SAC3D1: variants seen among roughly 807,000 people sequenced by gnomAD.
The protein encoded by SAC3D1 is SAC3 domain-containing protein 1.
A neutral mutation model predicts 12.7 loss-of-function variants in SAC3D1; 10 were observed. The ratio of observed to expected loss-of-function variants is 0.79; its 90% confidence interval spans 0.49 to 1.34. The LOEUF (loss-of-function observed/expected upper bound fraction) is 1.34, where lower values mean the gene tolerates loss of function less well. SAC3D1 is among the 40% of genes most tolerant of loss of function. SAC3D1 has a pLI of 0.00. For synonymous variants in SAC3D1, 241 were observed against 250.8 expected, an observed-to-expected ratio of 0.96 and a Z score of 0.37; for missense variants, 482 against 531.1, an observed-to-expected ratio of 0.91 and a Z score of 0.91.
rs1946664465 is a variant in SAC3D1 at position 65,044,127 on chromosome 11, C to T, written c.575-98C>T. 38 of 1,401,866 alleles carry T rather than the reference C, an allele frequency of 2.7e-5. No individual in the cohort carries two copies. The highest frequency in any genetic ancestry group is 2.2e-4 in the South Asian group (17 of 77,306). 86.8% of individuals were successfully genotyped at this position (1,401,866 alleles called of 1,614,324 possible). Reference sequence around the variant, plus strand: ...AGTTGGGCTAGGCCTAGAGAAGGGGCGTGGTCGAGGAGAGAGGAAGGACAG... The same window carrying T: ...AGTTGGGCTAGGCCTAGAGAAGGGGTGTGGTCGAGGAGAGAGGAAGGACAG... On this transcript the variant is annotated intron_variant, in intron 1 of 1. Transcript: ENST00000652489. The surrounding 1 kb of genome is among the most constrained non-coding windows in gnomAD (Gnocchi z 4.0).
chr11:65,044,770 G>A lies in SAC3D1; in HGVS notation c.*43G>A, dbSNP rs1565214182. On this transcript the variant is annotated 3_prime_UTR_variant, in exon 2 of 2. Transcript: ENST00000652489. The surrounding 1 kb of genome is among the most constrained non-coding windows in gnomAD (Gnocchi z 4.0). ...CCCAGAGCCCCAGGACTGGGCCAGA[G>A]CACTTAGGTTTCTTTTTCCATGGTT... The A allele has an allele frequency of 6.4e-7, 1 of 1,566,730 alleles. No homozygotes were observed. The highest frequency in any genetic ancestry group is 2.3e-5 in the East Asian group (1 of 44,328).
Position 65,044,432 on chromosome 11 carries a change from T to G in SAC3D1, c.782T>G (p.Phe261Cys). Residue 261 changes from phenylalanine (F) to cysteine (C), a missense_variant, in exon 2 of 2, where the codon TTC becomes TGC. By Grantham distance (205) the Phe-to-Cys change is radical. This residue lies in a region of SAC3D1 where 225 missense variants were observed against 241.1 expected (regional missense o/e 0.93). Transcript: ENST00000652489. The surrounding 1 kb of genome is among the most constrained non-coding windows in gnomAD (Gnocchi z 4.0). ...GHARREALAR[F>C]ARAFSTPKGQ... is the part of the protein sequence containing the mutation. ...GCCCGCCGGGAAGCCCTGGCCCGCT[T>G]CGCTCGTGCCTTTAGCACCCCCAAG... 6.2e-7 allele frequency: 1 copy of G among 1,613,856 alleles called. No individual in the cohort carries two copies. Among genetic ancestry groups the G allele is most frequent in the Non-Finnish European group, 8.5e-7 (1 of 1,180,038 alleles).
In SAC3D1 at chr11:65,044,555, A is replaced by T. The variant is rs199903297; in HGVS notation, c.905A>T (p.Asp302Val). 1 of 1,614,134 alleles carries T rather than the reference A, an allele frequency of 6.2e-7. No individual in the cohort carries two copies. The highest frequency in any genetic ancestry group is 2.2e-5 in the East Asian group (1 of 44,880). The change falls in exon 2 of 2, where the codon GAC (aspartate) becomes GTC (valine). Residue 302 changes from aspartate to valine, a missense_variant. Physicochemically the swap from Asp to Val is radical, Grantham distance 152. Coordinates refer to ENST00000652489, the MANE Select transcript of SAC3D1 (RefSeq NM_013299.4). This position sits in a 1 kb window ranked among gnomAD's most constrained non-coding sequence, Gnocchi z 4.0. ...TGCCAGGCCCACGGGCTGCCCTTGG[A>T]CGGAGAGGAGAGAGTTGTGTTCCTG... ...DLCQAHGLPL[D>V]GEERVVFLRG...
rs1281787090 is a variant in SAC3D1 at position 65,044,292 on chromosome 11, C to T, written c.642C>T (p.Arg214=). ...PAALRACPPL[R]KALAVDAAFR... The stretch of plus-strand genomic sequence containing the variant: ...CCCTGCGCGCCTGCCCGCCCCTCCG[C>T]AAGGCCTTGGCGGTAGATGCTGCCT... The change falls in exon 2 of 2, where the codon CGC becomes CGT. Residue 214 remains arginine (R), a synonymous_variant. Transcript: ENST00000652489. This position sits in a 1 kb window ranked among gnomAD's most constrained non-coding sequence, Gnocchi z 4.0. 6.2e-7 allele frequency: 1 copy of T among 1,613,358 alleles called. No individual in the cohort carries two copies. Among genetic ancestry groups the T allele is most frequent in the Admixed American group, 1.7e-5 (1 of 60,028 alleles).
upstream of SAC3D1, chr11:65,041,170 C>G (rs944084560): frequency 1.0e-6 from 1 of 962,654 alleles, no homozygotes; most frequent in Non-Finnish European, 1.5e-6. Context: ...GGAAGGCGGG[C>G]CCAGACAGGT....
At chr11:65,042,007 C>T (rs1946615354) in intron 1 of SAC3D1, 141 bp downstream of exon 1, 1 of 1,131,428 alleles carries the variant, frequency 8.8e-7, no homozygotes, top group East Asian at 3.3e-5. Context: ...CGAGCCCCGA[C>T]GTGGGACCTC....
chr11:65,043,376 G>A (rs1043064928), intron 1 of SAC3D1, among the ~76,000 whole-genome samples: 2 of 151,584 alleles, frequency 1.3e-5, no homozygotes, highest in Non-Finnish European at 2.9e-5. Flanking sequence ...ATCCTACCGC[G>A]TTGGCCTCCC....
At position 65,044,229 on chromosome 11, in the gene SAC3D1, G is replaced by A. The variant is rs143585993; in HGVS notation, c.579G>A (p.Ser193=). Residue 193 remains serine, a synonymous_variant, in exon 2 of 2, where the codon TCG becomes TCA. Transcript: ENST00000652489. This position sits in a 1 kb window ranked among gnomAD's most constrained non-coding sequence, Gnocchi z 4.0. ...QGLFLLYNLG[S]VEALHEVLQL... ...TCTGGCTTCCCGCTCTCACAGGCTCGGTGGAAGCCCTGCATGAGGTTCTAC... is the reference window on the plus strand; with the variant it reads ...TCTGGCTTCCCGCTCTCACAGGCTCAGTGGAAGCCCTGCATGAGGTTCTAC... The A allele has an allele frequency of 1.1e-4, 180 of 1,611,944 alleles. No homozygotes were observed. The highest frequency in any genetic ancestry group is 5.0e-4 in the Middle Eastern group (3 of 5,968).
rs146867132 is a variant in SAC3D1 at position 65,041,958 on chromosome 11, C to G, written c.574+92C>G. On this transcript the variant is annotated intron_variant, in intron 1 of 1. Coordinates refer to ENST00000652489, the MANE Select transcript of SAC3D1 (RefSeq NM_013299.4). ...GGAAAGGAAGGATTAGCTTTAACAT[C>G]TCACCATTAGCCCCCTCCCAGGACA... The G allele has an allele frequency of 6.4e-5, 81 of 1,275,060 alleles. No individual in the cohort carries two copies. In the East Asian group the frequency reaches 2.4e-3, roughly 38 times the overall value. 79.0% of individuals were successfully genotyped at this position (1,275,060 alleles called of 1,614,324 possible).
chr11:65,041,150 G>T, upstream of SAC3D1: 1 of 826,220 alleles, frequency 1.2e-6, no homozygotes, highest in Non-Finnish European at 1.8e-6. Flanking sequence ...GAAGGCCGGG[G>T]ATCATGGCGG....
rs1565207178 is a variant in SAC3D1, at chr11:65,041,400, G to A, written c.108G>A (p.Pro36=). The part of the protein sequence containing the change: ...EHRLHRLEVV[P]GCRQDPPRAD... ...GCCTGCACCGCTTGGAGGTGGTGCC[G>A]GGTTGCCGCCAGGACCCGCCCCGCG... The change falls in exon 1 of 2, where the codon CCG becomes CCA. Residue 36 remains proline, a synonymous_variant. Coordinates refer to ENST00000652489, the MANE Select transcript of SAC3D1 (RefSeq NM_013299.4). 13 of 1,506,962 alleles carry A rather than the reference G, an allele frequency of 8.6e-6. No homozygotes were observed. The highest frequency in any genetic ancestry group is 2.9e-5 in the African/African-American group (2 of 69,362). 93.3% of individuals were successfully genotyped at this position (1,506,962 alleles called of 1,614,324 possible). A position where few individuals can be genotyped will look rare whatever the true frequency, so the allele number is the denominator to read the frequency against.
At chr11:65,043,225 C>T in intron 1 of SAC3D1, 1 of 288,102 alleles carries the variant, frequency 3.5e-6, no homozygotes, top group Non-Finnish European at 7.0e-6. Context: ...GGTGACTTGC[C>T]TGTTGACACA....
chr11:65,041,126 T>C (rs539498747), upstream of SAC3D1: 8 of 696,100 alleles, frequency 1.1e-5, no homozygotes, highest in African/African-American at 1.5e-4. Flanking sequence ...CAGAGGTGGC[T>C]CGATGGGCGG....
rs1946665155 is a variant in SAC3D1 at position 65,044,146 on chromosome 11, A to G, written c.575-79A>G. The stretch of plus-strand genomic sequence containing the variant: ...AAGGGGCGTGGTCGAGGAGAGAGGA[A>G]GGACAGGGTGTTGGGAGGGGAGATG... On this transcript the variant is annotated intron_variant, in intron 1 of 1. Transcript: ENST00000652489. This position sits in a 1 kb window ranked among gnomAD's most constrained non-coding sequence, Gnocchi z 4.0. The G allele has an allele frequency of 1.3e-6, 2 of 1,508,982 alleles. No homozygotes were observed. The highest frequency in any genetic ancestry group is 2.8e-5 in the African/African-American group (2 of 72,444). 93.5% of individuals were successfully genotyped at this position (1,508,982 alleles called of 1,614,324 possible).
rs1315248297 is a variant in SAC3D1 at position 65,041,463 on chromosome 11, C to G, written c.171C>G (p.Pro57=). 7.4e-6 allele frequency: 11 copies of G among 1,483,346 alleles called. No individual in the cohort carries two copies. Among genetic ancestry groups the G allele is most frequent in the Non-Finnish European group, 8.9e-6 (10 of 1,123,476 alleles). The allele number at this position is 1,483,346 out of a possible 1,614,324, so 91.9% of individuals were successfully genotyped here. A position where few individuals can be genotyped will look rare whatever the true frequency, so the allele number is the denominator to read the frequency against. ...GCGCGGTGAAGGAGTACAGCCGACC[C>G]GCCGCCGGCAAGCCCCGGCCCCCGC... ...PQRAVKEYSR[P]AAGKPRPPPS... Residue 57 remains proline (P), a synonymous_variant, in exon 1 of 2, where the codon CCC becomes CCG. Coordinates refer to ENST00000652489, the MANE Select transcript of SAC3D1 (RefSeq NM_013299.4).
intron 1 of SAC3D1, 93 bp downstream of exon 1, chr11:65,041,959 T>C (rs1453830975): frequency 1.6e-6 from 2 of 1,271,344 alleles, no homozygotes; most frequent in African/African-American, 3.1e-5. Flanking sequence ...CTTTAACATC[T>C]CACCATTAGC....
In SAC3D1 at chr11:65,044,228, C is replaced by G. The variant is rs370667415; in HGVS notation, c.578C>G (p.Ser193Trp). The change falls in exon 2 of 2, where the codon TCG (serine) becomes TGG (tryptophan). Residue 193 changes from serine to tryptophan, a missense_variant. Ser to Trp is a radical substitution (Grantham distance 177). This residue lies in a region of SAC3D1 where 225 missense variants were observed against 241.1 expected (regional missense o/e 0.93). Coordinates refer to ENST00000652489, the MANE Select transcript of SAC3D1 (RefSeq NM_013299.4). This position sits in a 1 kb window ranked among gnomAD's most constrained non-coding sequence, Gnocchi z 4.0. The stretch of plus-strand genomic sequence containing the variant: ...TTCTGGCTTCCCGCTCTCACAGGCT[C>G]GGTGGAAGCCCTGCATGAGGTTCTA... Reference protein sequence around the residue: ...QGLFLLYNLGSVEALHEVLQL... With the variant: ...QGLFLLYNLGWVEALHEVLQL... The G allele has an allele frequency of 1.4e-5, 22 of 1,611,810 alleles. No homozygotes were observed. The highest frequency in any genetic ancestry group is 2.2e-5 in the South Asian group (2 of 90,958).
In SAC3D1 at chr11:65,044,764, GC is replaced by G. The variant is rs1326913413; in HGVS notation, c.*39del. The G allele has an allele frequency of 1.3e-6, 2 of 1,583,266 alleles. No homozygotes were observed. The highest frequency in any genetic ancestry group is 2.2e-5 in the South Asian group (2 of 89,712). On this transcript the variant is annotated 3_prime_UTR_variant, in exon 2 of 2. Transcript: ENST00000652489. This position sits in a 1 kb window ranked among gnomAD's most constrained non-coding sequence, Gnocchi z 4.0. ...GAGCCTCCCAGAGCCCCAGGACTGG[GC>G]CAGAGCACTTAGGTTTCTTTTTCCA... is the stretch of plus-strand genomic sequence containing the variant.
chr11:65,044,281 C>G lies in SAC3D1; in HGVS notation c.631C>G (p.Pro211Ala), dbSNP rs769261990. 2 of 1,613,248 alleles carry G rather than the reference C, an allele frequency of 1.2e-6. No homozygotes were observed. The highest frequency in any genetic ancestry group is 3.3e-5 in the Admixed American group (2 of 60,030). ...LQLPAALRACPPLRKALAVDA... is the reference protein window; with the variant it reads ...LQLPAALRACAPLRKALAVDA... ...GCTGCCTGCTGCCCTGCGCGCCTGC[C>G]CGCCCCTCCGCAAGGCCTTGGCGGT... The change falls in exon 2 of 2, where the codon CCG becomes GCG. Residue 211 changes from proline to alanine, a missense_variant. Physicochemically the swap from Pro to Ala is conservative, Grantham distance 27. This residue lies in a region of SAC3D1 where 225 missense variants were observed against 241.1 expected (regional missense o/e 0.93). Coordinates refer to ENST00000652489, the MANE Select transcript of SAC3D1 (RefSeq NM_013299.4). This position sits in a 1 kb window ranked among gnomAD's most constrained non-coding sequence, Gnocchi z 4.0.
Sources: gnomAD v4.1 joint callset for allele counts (sites outside exome capture counted in the v4.1 genomes callset) on GRCh38, gnomAD v4.1.1 for gene constraint, gnomAD v4.1.1 regional missense constraint, Gnocchi (gnomAD v3.1) non-coding constraint, MANE v1.5 for transcripts, NCBI Gene and HGNC (gene_info 2026-07-23, HGNC 2026-07-21) for gene names.